COL19A1: variants seen among roughly 807,000 people sequenced by gnomAD.
COL19A1 encodes the protein collagen type XIX alpha 1 chain.
Under a neutral mutation model 190.2 loss-of-function variants are expected in COL19A1, and 159 were observed. That is an observed-to-expected ratio of 0.84 (90% CI 0.73 to 0.95). COL19A1 has a LOEUF of 0.95. Ranked by LOEUF, COL19A1 falls within the 40% of genes least tolerant of loss-of-function variation. The pLI is 0.00. For missense variants in COL19A1, 1,418 were observed against 1,431.9 expected, an observed-to-expected ratio of 0.99 and a Z score of 0.16; for synonymous variants, 509 against 458.9, an observed-to-expected ratio of 1.11 and a Z score of -1.39.
At chr6:70,002,348 G>A (rs969477361) in intron 11 of COL19A1, among the ~76,000 whole-genome samples, 2 of 152,044 alleles carry the variant, frequency 1.3e-5, no homozygotes, top group Non-Finnish European at 2.9e-5. Context: ...TTGTGTCTCT[G>A]CCCAGTTTTG....
At chr6:70,138,327 G>A (rs1022487709) in intron 19 of COL19A1, among the ~76,000 whole-genome samples, 2 of 152,018 alleles carry the variant, frequency 1.3e-5, no homozygotes, top group Non-Finnish European at 2.9e-5. Context: ...TCAAAATGTA[G>A]TTCTTTTTGT....
In COL19A1 at chr6:70,146,678, G is replaced by T; in HGVS notation, c.1790G>T (p.Gly597Val). Residue 597 changes from glycine (G) to valine (V), a missense_variant, in exon 26 of 51, where the codon GGA becomes GTA. Physicochemically the swap from Gly to Val is moderately radical, Grantham distance 109. Coordinates refer to ENST00000620364, the MANE Select transcript of COL19A1 (RefSeq NM_001858.6). ...PGEPGLDGNP[G>V]APGPRGPKGE... is the part of the protein sequence containing the mutation. Reference sequence around the variant, plus strand: ...TTTTAGGGATTAGATGGAAATCCTGGAGCACCTGGTCCACGTGGGCCAAAG... The same window carrying T: ...TTTTAGGGATTAGATGGAAATCCTGTAGCACCTGGTCCACGTGGGCCAAAG... The T allele has an allele frequency of 6.2e-7, 1 of 1,606,102 alleles. No homozygotes were observed. The highest frequency in any genetic ancestry group is 1.1e-5 in the South Asian group (1 of 89,220).
intron 16 of COL19A1, among the ~76,000 whole-genome samples, chr6:70,114,499 G>A (rs1413857321): frequency 6.6e-6 from 1 of 152,116 alleles, no homozygotes; most frequent in Admixed American, 6.5e-5. Context: ...ATGCAATAAT[G>A]CATGTACCTC....
intron 11 of COL19A1, among the ~76,000 whole-genome samples, chr6:69,978,923 A>G (rs926497281): frequency 6.6e-6 from 1 of 151,888 alleles, no homozygotes; most frequent in African/African-American, 2.4e-5. Flanking sequence ...ATGGACTTAA[A>G]GAATTCTGAG....
Position 70,184,746 on chromosome 6 carries a change from A to G in COL19A1, c.2811+8A>G, listed in dbSNP as rs776785228. On this transcript the variant is annotated splice_region_variant and intron_variant, in intron 45 of 50. Transcript: ENST00000620364. ...GGAATACCAGGTGCTCAGGTATGGG[A>G]AATATGATTTAAAATAAAAGTTATA... 1 of 1,603,254 alleles carries G rather than the reference A, an allele frequency of 6.2e-7. No individual in the cohort carries two copies. Among genetic ancestry groups the G allele is most frequent in the Non-Finnish European group, 8.5e-7 (1 of 1,171,806 alleles).
intron 16 of COL19A1, among the ~76,000 whole-genome samples, chr6:70,118,815 T>C (rs1259727648): frequency 1.2e-5 from 1 of 85,034 alleles, no homozygotes; most frequent in Non-Finnish European, 2.3e-5. Context: ...TTTTAGTGAG[T>C]TGTGCCCTTG....
chr6:70,175,941 A>G (rs899674236), intron 41 of COL19A1, among the ~76,000 whole-genome samples: 1 of 152,140 alleles, frequency 6.6e-6, no homozygotes, highest in Non-Finnish European at 1.5e-5. Flanking sequence ...CCATATATAT[A>G]GTCGTTAGTA....
chr6:70,168,568 A>G, intron 39 of COL19A1, 87 bp from the exon 40 acceptor site: 1 of 1,347,586 alleles, frequency 7.4e-7, no homozygotes, highest in Non-Finnish European at 1.0e-6. Context: ...TCGTATGTGT[A>G]TTAAGGCAAA....
In COL19A1 at chr6:70,191,760, G is replaced by A. The variant is rs577256751; in HGVS notation, c.3094+1379G>A. ...AAATGAATCCATGTTGGTTCTCATG[G>A]TTCCTACTTCCTTTGCTTAGCATCC... On this transcript the variant is annotated intron_variant, in intron 48 of 50. Transcript: ENST00000620364. 8.5e-5 allele frequency among the ~76,000 whole-genome samples: 13 copies of A among 152,278 alleles called. No individual in the cohort carries two copies. The East Asian group carries it at 2.5e-3, about 29-fold the overall frequency.
At chr6:70,119,300 G>A (rs1784749667) in intron 16 of COL19A1, among the ~76,000 whole-genome samples, 1 of 152,210 alleles carries the variant, frequency 6.6e-6, no homozygotes, top group Admixed American at 6.5e-5. Context: ...TATGAACATA[G>A]ATGGGAGATA....
chr6:69,919,196 T>C (rs943945677), intron 4 of COL19A1, among the ~76,000 whole-genome samples: 6 of 152,196 alleles, frequency 3.9e-5, no homozygotes. Context: ...CTTTGCTTCA[T>C]AGCAGTCCCC....
At chr6:70,148,057 G>A (rs948914091) in intron 27 of COL19A1, among the ~76,000 whole-genome samples, 1 of 152,134 alleles carries the variant, frequency 6.6e-6, no homozygotes, top group African/African-American at 2.4e-5. Context: ...GAGTTGGGGT[G>A]TGTCACTCTC....
At chr6:70,074,604 A>G (rs1028241631) in intron 15 of COL19A1, among the ~76,000 whole-genome samples, 7 of 152,180 alleles carry the variant, frequency 4.6e-5, no homozygotes, top group Admixed American at 2.6e-4. Context: ...CATTGTTCCA[A>G]TGAAATGATT....
intron 11 of COL19A1, among the ~76,000 whole-genome samples, chr6:69,964,766 C>G (rs568617174): frequency 6.6e-6 from 1 of 152,046 alleles, no homozygotes; most frequent in African/African-American, 2.4e-5. Context: ...CAATATGTAC[C>G]TTGAATGAGA....
intron 7 of COL19A1, 76 bp downstream of exon 7, chr6:69,932,939 A>C: frequency 2.1e-6 from 2 of 961,386 alleles, no homozygotes; most frequent in Non-Finnish European, 3.2e-6. Context: ...TAGAGTCCAA[A>C]TGTAGGGTAG....
At chr6:70,132,629 G>A (rs1233843310) in intron 18 of COL19A1, among the ~76,000 whole-genome samples, 1 of 152,144 alleles carries the variant, frequency 6.6e-6, no homozygotes, top group African/African-American at 2.4e-5. Flanking sequence ...CTGAATCCTG[G>A]CTGCACATTG....
intron 2 of COL19A1, chr6:69,879,953 T>A (rs1041734442): frequency 2.0e-5 from 8 of 394,018 alleles, no homozygotes; most frequent in Non-Finnish European, 3.6e-5. Context: ...TTATGTATCT[T>A]TCCCTTTCCT....
At chr6:70,182,707 A>T (rs1766253958) in intron 44 of COL19A1, among the ~76,000 whole-genome samples, 1 of 152,224 alleles carries the variant, frequency 6.6e-6, no homozygotes, top group Admixed American at 6.5e-5. Flanking sequence ...CAGGTAAGTA[A>T]TATGAGGGGT....
chr6:70,163,246 T>A, intron 35 of COL19A1, 97 bp from the exon 36 acceptor site: 1 of 1,061,686 alleles, frequency 9.4e-7, no homozygotes, highest in East Asian at 2.6e-5. Context: ...TAGGATCAAA[T>A]GACCTTCAAA....
Sources: allele counts gnomAD v4.1 joint callset (sites outside exome capture counted in the v4.1 genomes callset), GRCh38; gene constraint gnomAD v4.1.1; transcripts MANE v1.5; gene names NCBI Gene and HGNC (gene_info 2026-07-23, HGNC 2026-07-21).